The following DENND5B variants were observed in gnomAD, a reference collection of about 807,000 sequenced individuals.
DENND5B encodes the protein DENN domain-containing protein 5B.
Under a neutral mutation model 140.6 loss-of-function variants are expected in DENND5B, and 34 were observed. The ratio of observed to expected loss-of-function variants is 0.24; its 90% CI spans 0.18 to 0.32. The LOEUF is 0.32. Ranked by LOEUF, DENND5B falls within the 10% of genes least tolerant of loss-of-function variation. The probability of loss-of-function intolerance (pLI) is 1.00; values close to 1 mark genes in which losing one functional copy is unlikely to be tolerated. For missense variants in DENND5B, 1,142 were observed against 1,560.2 expected, an observed-to-expected ratio of 0.73 and a Z score of 4.52; for synonymous variants, 551 against 562.1, an observed-to-expected ratio of 0.98 and a Z score of 0.28.
intron 1 of DENND5B, among the ~76,000 whole-genome samples, chr12:31,530,499 A>G (rs1295125708): frequency 6.6e-6 from 1 of 152,262 alleles, no homozygotes; most frequent in Admixed American, 6.5e-5. Context: ...ACATTTTACT[A>G]TATTCTCAAT....
At chr12:31,387,843 G>A in intron 20 of DENND5B, 57 bp from the exon 21 acceptor site, 2 of 1,545,418 alleles carry the variant, frequency 1.3e-6, no homozygotes, top group East Asian at 2.3e-5. Flanking sequence ...GCAGAACAAG[G>A]CACACAGTGG....
intron 1 of DENND5B, among the ~76,000 whole-genome samples, chr12:31,543,214 CA>C (rs1948747021): frequency 6.6e-6 from 1 of 151,966 alleles, no homozygotes; most frequent in African/African-American, 2.4e-5. Context: ...TCTCAAAAAA[CA>C]AGAGAGATTT....
chr12:31,442,848 G>C lies in DENND5B; in HGVS notation c.1939C>G (p.Gln647Glu), dbSNP rs377460577. 1.2e-6 allele frequency: 2 copies of C among 1,612,956 alleles called. No homozygotes were observed. Among genetic ancestry groups the C allele is most frequent in the African/African-American group, 2.7e-5 (2 of 74,898 alleles). Residue 647 changes from glutamine to glutamate, a missense_variant, in exon 7 of 21, where the codon CAA (glutamine) becomes GAA (glutamate). Gln to Glu is a conservative substitution (Grantham distance 29). This residue lies in a region of DENND5B where 708 missense variants were observed against 905.5 expected (regional missense o/e 0.78). Coordinates refer to ENST00000389082, the MANE Select transcript of DENND5B (RefSeq NM_144973.4). ...AAGAACCCCTGCTCATATTTGCCTT[G>C]ACCAATTTTCATATCAAGTAGATGT... ...HPHLLDMKIGQGKYEQGFFPK... is the reference protein window; with the variant it reads ...HPHLLDMKIGEGKYEQGFFPK...
chr12:31,560,239 C>T (rs557945770), intron 1 of DENND5B, among the ~76,000 whole-genome samples: 1 of 152,312 alleles, frequency 6.6e-6, no homozygotes, highest in East Asian at 1.9e-4. Flanking sequence ...TGCCAACCCT[C>T]CTCCAACCTA....
intron 1 of DENND5B, among the ~76,000 whole-genome samples, chr12:31,568,178 A>G (rs1398771398): frequency 6.6e-6 from 1 of 152,244 alleles, no homozygotes; most frequent in African/African-American, 2.4e-5. Context: ...TGGGTACACA[A>G]AATCATTTAA....
At chr12:31,467,423 C>T (rs921198151) in intron 3 of DENND5B, among the ~76,000 whole-genome samples, 1 of 150,994 alleles carries the variant, frequency 6.6e-6, no homozygotes, top group Non-Finnish European at 1.5e-5. Context: ...CAGGACTTCA[C>T]GACCAGCCTG....
At chr12:31,546,066 T>TGTGTGTG (rs1565682385) in intron 1 of DENND5B, among the ~76,000 whole-genome samples, 3 of 151,376 alleles carry the variant, frequency 2.0e-5, no homozygotes, top group African/African-American at 7.3e-5. Context: ...TGGCTAGTGT[T>TGTGTGTG]TGTACTTTCA....
rs373207562 is a variant in DENND5B, at chr12:31,399,778, G to A, written c.2950-6C>T. The A allele has an allele frequency of 6.2e-7, 1 of 1,610,816 alleles. No individual in the cohort carries two copies. Among genetic ancestry groups the A allele is most frequent in the Non-Finnish European group, 8.5e-7 (1 of 1,177,526 alleles). On this transcript the variant is annotated splice_polypyrimidine_tract_variant and splice_region_variant and intron_variant, in intron 15 of 20. Coordinates refer to ENST00000389082, the MANE Select transcript of DENND5B (RefSeq NM_144973.4). ...AGCTTCCCCAAGTTCTGGCACTGTA[G>A]GGACAGGACCTTAGGTTATTTAGTA...
At chr12:31,580,484 T>C (rs1950179033) in intron 1 of DENND5B, among the ~76,000 whole-genome samples, 1 of 152,096 alleles carries the variant, frequency 6.6e-6, no homozygotes, top group Non-Finnish European at 1.5e-5. Context: ...TTTACTGTTT[T>C]TATTTATTTT....
rs201724143 is a variant in DENND5B, at chr12:31,498,483, C to CA, written c.128-2565dup. 2.0e-3 allele frequency among the ~76,000 whole-genome samples: 303 copies of CA among 151,720 alleles called. 2 individuals are homozygous for CA. The highest frequency in any genetic ancestry group is 6.8e-3 in the African/African-American group (281 of 41,394). On this transcript the variant is annotated intron_variant, in intron 1 of 20. Coordinates refer to ENST00000389082, the MANE Select transcript of DENND5B (RefSeq NM_144973.4). Reference sequence around the variant, plus strand: ...CCAGAAAGAAATAATTTTACAAAAACAAAAAAAGCCACAAAACAGTAACAA... The same window carrying CA: ...CCAGAAAGAAATAATTTTACAAAAACAAAAAAAAGCCACAAAACAGTAACAA...
intron 11 of DENND5B, among the ~76,000 whole-genome samples, chr12:31,421,164 C>T (rs1415774818): frequency 6.6e-6 from 1 of 152,166 alleles, no homozygotes; most frequent in Non-Finnish European, 1.5e-5. Context: ...CTGCTTCACC[C>T]TCCTGAGTAG....
intron 1 of DENND5B, among the ~76,000 whole-genome samples, chr12:31,586,761 T>C (rs1344574726): frequency 6.6e-6 from 1 of 152,208 alleles, no homozygotes; most frequent in Admixed American, 6.5e-5. Context: ...TGGTAGAATT[T>C]ATGTTTAATA....
intron 11 of DENND5B, among the ~76,000 whole-genome samples, chr12:31,417,074 A>G (rs1459302557): frequency 1.4e-5 from 2 of 147,726 alleles, no homozygotes; most frequent in Admixed American, 1.4e-4. Flanking sequence ...AAAAAAAAAA[A>G]GGCCAGGCGC....
intron 8 of DENND5B, chr12:31,432,216 A>G (rs1943540167): frequency 5.3e-6 from 3 of 561,144 alleles, no homozygotes; most frequent in Non-Finnish European, 6.8e-6. Flanking sequence ...GGAGAAAGAG[A>G]CAAGCAGAAC....
intron 5 of DENND5B, among the ~76,000 whole-genome samples, chr12:31,451,333 AT>A (rs915861219): frequency 6.6e-6 from 1 of 151,648 alleles, no homozygotes; most frequent in Non-Finnish European, 1.5e-5. Context: ...TTATTTATTT[AT>A]TTTTTTTGAG....
In DENND5B at chr12:31,460,358, CCA is replaced by C; in HGVS notation, c.926_927del (p.Val309GlyfsTer30). ...YSQDYQRLMTVAEGITTLLFP... is the reference protein window; with the variant it reads ...YSQDYQRLMTXAEGITTLLFP... ...AACAAAAGTGTGGTGATGCCTTCTG[CCA>C]CAGTCATCAGGCGTTGATAATCTGC... On this transcript the variant is annotated frameshift_variant, in exon 4 of 21. Coordinates refer to ENST00000389082, the MANE Select transcript of DENND5B (RefSeq NM_144973.4). LOFTEE classifies it high-confidence loss of function. 6.2e-7 allele frequency: 1 copy of C among 1,613,768 alleles called. No homozygotes were observed. Among genetic ancestry groups the C allele is most frequent in the Non-Finnish European group, 8.5e-7 (1 of 1,179,864 alleles).
At chr12:31,489,183 T>G (rs1946425045) in intron 2 of DENND5B, among the ~76,000 whole-genome samples, 1 of 152,202 alleles carries the variant, frequency 6.6e-6, no homozygotes, top group Non-Finnish European at 1.5e-5. Flanking sequence ...AGAAGTATAG[T>G]AGGCTATATC....
intron 1 of DENND5B, among the ~76,000 whole-genome samples, chr12:31,544,938 A>G (rs1230874618): frequency 6.6e-6 from 1 of 152,188 alleles, no homozygotes; most frequent in Non-Finnish European, 1.5e-5. Context: ...GACAATAAAC[A>G]AAGAATCCAA....
chr12:31,566,885 G>A (rs892789869), intron 1 of DENND5B, among the ~76,000 whole-genome samples: 2 of 152,130 alleles, frequency 1.3e-5, no homozygotes, highest in East Asian at 1.9e-4. Flanking sequence ...CATTAGCTGG[G>A]TTCGGTGGAG....
Sources: allele counts gnomAD v4.1 joint callset (sites outside exome capture counted in the v4.1 genomes callset), GRCh38; gene constraint gnomAD v4.1.1; regional missense constraint gnomAD v4.1.1; transcripts MANE v1.5; gene names NCBI Gene and HGNC (gene_info 2026-07-23, HGNC 2026-07-21).